The following DOCK9 variants were observed in gnomAD, a reference collection of about 807,000 sequenced individuals.
The protein encoded by DOCK9 is dedicator of cytokinesis protein 9.
In DOCK9, 89 loss-of-function variants were observed where a neutral mutation model predicts 263.3. The ratio of observed to expected loss-of-function variants is 0.34; its 90% CI spans 0.28 to 0.40. The LOEUF (loss-of-function observed/expected upper bound fraction) is 0.40, where lower values mean the gene tolerates loss of function less well. Ranked by LOEUF, DOCK9 falls within the 10% of genes least tolerant of loss-of-function variation. DOCK9 has a pLI of 1.00. For missense variants in DOCK9, 2,140 were observed against 2,603.4 expected, an observed-to-expected ratio of 0.82 and a Z score of 3.87; for synonymous variants, 976 against 973.1, an observed-to-expected ratio of 1.00 and a Z score of -0.06.
chr13:98,966,395 C>G (rs530913165), intron 1 of DOCK9, among the ~76,000 whole-genome samples: 2 of 152,326 alleles, frequency 1.3e-5, no homozygotes, highest in East Asian at 3.9e-4. Context: ...GTCTCGGCTT[C>G]TAATTCTGCC....
Position 98,902,472 on chromosome 13 carries a change from G to A in DOCK9, c.1196C>T (p.Thr399Ile). 1 of 1,613,920 alleles carries A rather than the reference G, an allele frequency of 6.2e-7. No individual in the cohort carries two copies. The highest frequency in any genetic ancestry group is 1.1e-5 in the South Asian group (1 of 91,048). ...PTTNVEPFFV[T>I]LSLFDIKYNR... Reference sequence around the variant, plus strand: ...GTATTTTATGTCAAACAGGGATAGAGTAACAAAGAAAGGTTCAACCTGAAC... The same window carrying A: ...GTATTTTATGTCAAACAGGGATAGAATAACAAAGAAAGGTTCAACCTGAAC... The change falls in exon 12 of 53, where the codon ACT becomes ATT. Residue 399 changes from threonine (T) to isoleucine (I), a missense_variant. Thr to Ile is a moderately conservative substitution (Grantham distance 89). Around this residue, in one of 2 missense-constraint regions of DOCK9, gnomAD observed 1,521 missense variants for 1,741.7 expected, o/e 0.87. Transcript: ENST00000682017.
intron 36 of DOCK9, 54 bp from the exon 37 acceptor site, chr13:98,848,693 G>A: frequency 1.3e-6 from 2 of 1,532,694 alleles, no homozygotes; most frequent in Non-Finnish European, 1.8e-6. Context: ...ATTATTTTCG[G>A]GACGTTATTT....
chr13:98,927,916 G>A (rs1415286232), intron 3 of DOCK9, among the ~76,000 whole-genome samples: 1 of 151,272 alleles, frequency 6.6e-6, no homozygotes, highest in Non-Finnish European at 1.5e-5. Context: ...ACTGCGCCTG[G>A]CCAAGATTTT....
chr13:99,009,602 T>C (rs1595895906), intron 1 of DOCK9, among the ~76,000 whole-genome samples: 1 of 152,084 alleles, frequency 6.6e-6, no homozygotes, highest in East Asian at 1.9e-4. Context: ...GGTATTATTA[T>C]TCCATTTTCA....
chr13:99,041,426 T>C (rs558335354), intron 1 of DOCK9, among the ~76,000 whole-genome samples: 15 of 150,720 alleles, frequency 1.0e-4, no homozygotes, highest in Non-Finnish European at 1.5e-4. Context: ...GAGGCTGCAG[T>C]GAGCTATGAT....
At chr13:98,959,276 T>C (rs894391862) in intron 1 of DOCK9, 16 of 152,248 alleles carry the variant, frequency 1.1e-4, no homozygotes, top group Non-Finnish European at 2.9e-5. Flanking sequence ...AACATTTCTG[T>C]TAAAGACTGG....
At position 98,902,429 on chromosome 13, in the gene DOCK9, G is replaced by A. The variant is rs375606457; in HGVS notation, c.1239C>T (p.Ala413=). The part of the protein sequence containing the change: ...FDIKYNRKIS[A]DFHVDLNHFS... ...AATGGTTCAGGTCTACGTGGAAATCGGCAGAAATCTTCCGGTTGTATTTTA... is the reference window on the plus strand; with the variant it reads ...AATGGTTCAGGTCTACGTGGAAATCAGCAGAAATCTTCCGGTTGTATTTTA... The change falls in exon 12 of 53, where the codon GCC becomes GCT. Residue 413 remains alanine, a synonymous_variant. Coordinates refer to ENST00000682017, the MANE Select transcript of DOCK9 (RefSeq NM_001366683.2). 1.9e-5 allele frequency: 31 copies of A among 1,613,830 alleles called. No individual in the cohort carries two copies. The highest frequency in any genetic ancestry group is 1.6e-4 in the African/African-American group (12 of 74,912).
Position 98,794,432 on chromosome 13 carries a change from A to AT in DOCK9, c.*193dup. 1.6e-6 allele frequency: 1 copy of AT among 609,062 alleles called. No homozygotes were observed. The allele number at this position is 609,062 out of a possible 1,614,324, so 37.7% of individuals were successfully genotyped here. Reference sequence around the variant, plus strand: ...GAAAACTTTGAATATTGCCAGTGAGATTTAAAAAAATATGTGCACCTTCTT... The same window carrying AT: ...GAAAACTTTGAATATTGCCAGTGAGATTTTAAAAAAATATGTGCACCTTCTT... On this transcript the variant is annotated 3_prime_UTR_variant, in exon 53 of 53. Coordinates refer to ENST00000682017, the MANE Select transcript of DOCK9 (RefSeq NM_001366683.2).
At chr13:98,859,545 C>A (rs2141825760) in intron 33 of DOCK9, 1 of 152,104 alleles carries the variant, frequency 6.6e-6, no homozygotes, top group East Asian at 1.9e-4. Flanking sequence ...GTGGGCAAGT[C>A]CTGTGAGTTA....
At chr13:98,857,407 G>A (rs2093732345) in intron 33 of DOCK9, 1 of 152,218 alleles carries the variant, frequency 6.6e-6, no homozygotes, top group African/African-American at 2.4e-5. Flanking sequence ...CTCTGCCTCA[G>A]CCTCCCAAGT....
At chr13:99,005,561 A>G (rs1213914051) in intron 1 of DOCK9, among the ~76,000 whole-genome samples, 1 of 152,232 alleles carries the variant, frequency 6.6e-6, no homozygotes, top group Non-Finnish European at 1.5e-5. Context: ...TAAAGGCAGT[A>G]TCACAAACCA....
intron 38 of DOCK9, among the ~76,000 whole-genome samples, chr13:98,843,697 A>C (rs1406335905): frequency 2.0e-5 from 3 of 152,222 alleles, no homozygotes; most frequent in African/African-American, 4.8e-5. Flanking sequence ...GGAGGGAGAC[A>C]GGAGGACAGG....
upstream of DOCK9, among the ~76,000 whole-genome samples, chr13:98,979,373 A>G (rs1876504453): frequency 6.6e-6 from 1 of 152,124 alleles, no homozygotes; most frequent in African/African-American, 2.4e-5. Flanking sequence ...AAAGTCTCCC[A>G]CTTTCCAGAC....
intron 43 of DOCK9, among the ~76,000 whole-genome samples, chr13:98,828,429 T>C (rs553743955): frequency 6.6e-6 from 1 of 152,356 alleles, no homozygotes; most frequent in South Asian, 2.1e-4. Context: ...TCCTTTTTAT[T>C]ATGGCCAATG....
chr13:98,976,366 G>GT (rs2060280205), intron 1 of DOCK9, among the ~76,000 whole-genome samples: 1 of 150,048 alleles, frequency 6.7e-6, no homozygotes, highest in South Asian at 2.2e-4. Flanking sequence ...AGAAAGAGAA[G>GT]TAAGTTTAAG....
chr13:99,024,027 T>C (rs1282889995), intron 1 of DOCK9, among the ~76,000 whole-genome samples: 1 of 152,166 alleles, frequency 6.6e-6, no homozygotes, highest in Non-Finnish European at 1.5e-5. Flanking sequence ...CTGCCAGAAG[T>C]GGCAACTTAA....
chr13:98,844,953 G>T (rs1322508135), intron 38 of DOCK9, among the ~76,000 whole-genome samples: 1 of 152,156 alleles, frequency 6.6e-6, no homozygotes, highest in East Asian at 1.9e-4. Context: ...AATAATTGTT[G>T]AGATAAAACA....
At chr13:98,979,236 A>AGTAGTAGTG (rs1169685646), upstream of DOCK9, among the ~76,000 whole-genome samples, 39 of 144,128 alleles carry the variant, frequency 2.7e-4, no homozygotes, top group African/African-American at 5.0e-4. Flanking sequence ...TAGTAGCAGC[A>AGTAGTAGTG]GCGGCGGCAG....
intron 1 of DOCK9, among the ~76,000 whole-genome samples, chr13:98,960,150 A>G (rs2058479191): frequency 6.6e-6 from 1 of 152,176 alleles, no homozygotes; most frequent in Admixed American, 6.5e-5. Context: ...ACATGCTCAA[A>G]TTCAATTCTT....
Sources: allele counts gnomAD v4.1 joint callset (sites outside exome capture counted in the v4.1 genomes callset), GRCh38; gene constraint gnomAD v4.1.1; regional missense constraint gnomAD v4.1.1; transcripts MANE v1.5; gene names NCBI Gene and HGNC (gene_info 2026-07-23, HGNC 2026-07-21).